The following IQSEC2 variants were observed in gnomAD, a reference collection of about 807,000 sequenced individuals.
The protein encoded by IQSEC2 is IQ motif and SEC7 domain-containing protein 2.
In IQSEC2, 6 loss-of-function variants were observed where a neutral mutation model predicts 74.6. That is an observed-to-expected ratio of 0.08 (90% CI 0.04 to 0.16). IQSEC2 has a LOEUF of 0.16. Among genes scored for constraint, IQSEC2 ranks in the 10% least tolerant of loss-of-function variants. The pLI, the probability that IQSEC2 is intolerant of heterozygous loss-of-function variation, is 1.00. For synonymous variants in IQSEC2, 494 were observed against 544.5 expected, an observed-to-expected ratio of 0.91 and a Z score of 1.29; for missense variants, 734 against 1,306.2, an observed-to-expected ratio of 0.56 and a Z score of 6.75.
downstream of IQSEC2, chrX:53,228,918 G>T (rs1466537535): frequency 8.9e-6 from 1 of 112,425 alleles, no homozygotes; most frequent in African/African-American, 3.2e-5. Context: ...CCAAAGTAAT[G>T]TTAATTCAAA....
chrX:53,226,514 C>T (rs145631640), downstream of IQSEC2: 407 of 112,591 alleles, frequency 3.6e-3, 2 homozygotes, highest in African/African-American at 0.012. Flanking sequence ...GAATAAATGT[C>T]CTTAGTATAT....
At chrX:53,309,234 T>C (rs1399456942) in intron 1 of IQSEC2, among the ~76,000 whole-genome samples, 1 of 111,687 alleles carries the variant, frequency 9.0e-6, no homozygotes, top group Non-Finnish European at 1.9e-5. Flanking sequence ...GAAATACCCA[T>C]TCAAGCACGT....
rs1392557289 is a variant in IQSEC2 at position 53,243,478 on chromosome X, GAGGGAGTAACAC to G, written c.2750-19_2750-8del. 8.5e-7 allele frequency: 1 copy of G among 1,170,312 alleles called. No homozygotes were observed. Among genetic ancestry groups the G allele is most frequent in the East Asian group, 3.1e-5 (1 of 31,799 alleles). ...TCTTCACCATTGTCAACCCCTGGGGGAGGGAGTAACACAGGGATATGTCACATAATTATGGGC... is the reference window on the plus strand; with the variant it reads ...TCTTCACCATTGTCAACCCCTGGGGGAGGGATATGTCACATAATTATGGGC... On this transcript the variant is annotated splice_region_variant and splice_polypyrimidine_tract_variant and intron_variant, in intron 8 of 14. Transcript: ENST00000642864.
intron 2 of IQSEC2, among the ~76,000 whole-genome samples, chrX:53,291,075 C>T (rs782450754): frequency 8.9e-6 from 1 of 111,824 alleles, no homozygotes; most frequent in South Asian, 3.7e-4. Context: ...AGCTCAGTGG[C>T]CTATCCCATA....
rs782123939 is a variant in IQSEC2, at chrX:53,238,130, G to A, written c.3277+15C>T. ...TTTCAGGAGAGCAGGGAGGAGACAT[G>A]GCTGGGCTACTCACACTCCACACGG... On this transcript the variant is annotated intron_variant, in intron 12 of 14. Transcript: ENST00000642864. 5 of 1,193,928 alleles carry A rather than the reference G, an allele frequency of 4.2e-6. No homozygotes were observed. Among genetic ancestry groups the A allele is most frequent in the Non-Finnish European group, 5.6e-6 (5 of 886,056 alleles).
intron 2 of IQSEC2, chrX:53,281,653 G>T: frequency 1.3e-6 from 1 of 794,176 alleles, no homozygotes; most frequent in Non-Finnish European, 1.7e-6. Flanking sequence ...TGGGCTGCGG[G>T]CCAGATTGCA....
At chrX:53,307,629 G>A (rs1473275981) in intron 1 of IQSEC2, among the ~76,000 whole-genome samples, 8 of 108,996 alleles carry the variant, frequency 7.3e-5, no homozygotes, top group African/African-American at 2.7e-4. Context: ...AGAGGGCCAG[G>A]TATGGTGGCT....
intron 1 of IQSEC2, among the ~76,000 whole-genome samples, 166 bp from the exon 2 acceptor site, chrX:53,292,090 G>A (rs1454385072): frequency 1.8e-5 from 2 of 112,165 alleles, no homozygotes; most frequent in African/African-American, 3.2e-5. Flanking sequence ...GTGCAAGGCC[G>A]AGAGACAGTA....
chrX:53,264,179 C>T (rs1343302188), intron 2 of IQSEC2, among the ~76,000 whole-genome samples: 5 of 112,331 alleles, frequency 4.5e-5, no homozygotes, highest in Admixed American at 9.3e-5. Flanking sequence ...TTCCTCACAC[C>T]CAGTCTCACA....
intron 3 of IQSEC2, 106 bp from the exon 4 acceptor site, chrX:53,255,037 C>T: frequency 2.4e-6 from 2 of 830,146 alleles, no homozygotes; most frequent in Non-Finnish European, 3.5e-6. Context: ...TGACTGCTTA[C>T]AGCCACCGAG....
intron 2 of IQSEC2, among the ~76,000 whole-genome samples, chrX:53,267,677 G>A (rs1367908496): frequency 9.0e-6 from 1 of 111,683 alleles, no homozygotes; most frequent in African/African-American, 3.3e-5. Flanking sequence ...ACTTGGAAAT[G>A]GAGTACGGAA....
intron 1 of IQSEC2, among the ~76,000 whole-genome samples, chrX:53,303,716 G>C (rs1381991725): frequency 9.2e-6 from 1 of 109,135 alleles, no homozygotes; most frequent in Non-Finnish European, 1.9e-5. Flanking sequence ...CAGGAGAATC[G>C]CTTGAACCTG....
chrX:53,309,350 G>A (rs1309043935), intron 1 of IQSEC2, among the ~76,000 whole-genome samples: 1 of 112,066 alleles, frequency 8.9e-6, no homozygotes, highest in Non-Finnish European at 1.9e-5. Context: ...TACTACATGA[G>A]TCCTTATGTA....
At chrX:53,291,753 T>C in intron 2 of IQSEC2, 142 bp downstream of exon 2, 16 of 437,553 alleles carry the variant, frequency 3.7e-5, no homozygotes, top group South Asian at 3.0e-4. Context: ...CCCCACTCCA[T>C]AGCCACCCCT....
intron 8 of IQSEC2, among the ~76,000 whole-genome samples, chrX:53,244,397 A>G (rs1195138171): frequency 9.2e-6 from 1 of 108,739 alleles, no homozygotes; most frequent in African/African-American, 3.4e-5. Flanking sequence ...GTGGTGGCAC[A>G]CACCTGTGGC....
intron 2 of IQSEC2, among the ~76,000 whole-genome samples, chrX:53,267,623 G>A (rs1556867953): frequency 9.0e-6 from 1 of 111,371 alleles, no homozygotes; most frequent in African/African-American, 3.3e-5. Flanking sequence ...TGAAGGACAA[G>A]GATTTGTATT....
chrX:53,237,838 A>G, intron 12 of IQSEC2: 4 of 306,609 alleles, frequency 1.3e-5, no homozygotes, highest in Non-Finnish European at 2.3e-5. Flanking sequence ...TCACCCAGAT[A>G]ATGAGTAGTA....
chrX:53,310,277 G>A (rs1556877719), intron 1 of IQSEC2, among the ~76,000 whole-genome samples: 1 of 110,488 alleles, frequency 9.1e-6, no homozygotes, highest in Admixed American at 9.8e-5. Flanking sequence ...CAAGCAACTT[G>A]GGAGGCTGAG....
At chrX:53,273,257 C>T (rs782722882) in intron 2 of IQSEC2, among the ~76,000 whole-genome samples, 1 of 110,680 alleles carries the variant, frequency 9.0e-6, no homozygotes, top group South Asian at 3.8e-4. Flanking sequence ...AGGAAGCCTT[C>T]CCAGATGGGG....
Sources: gnomAD v4.1 joint callset for allele counts (sites outside exome capture counted in the v4.1 genomes callset) on GRCh38, gnomAD v4.1.1 for gene constraint, MANE v1.5 for transcripts, NCBI Gene and HGNC (gene_info 2026-07-23, HGNC 2026-07-21) for gene names.